Variants in BTBD9 observed in about 807,000 individuals in gnomAD.
BTBD9 encodes BTB domain containing 9, also known as BTB/POZ domain-containing protein 9.
A neutral mutation model predicts 64.3 loss-of-function variants in BTBD9; 49 were observed. The ratio of observed to expected loss-of-function variants is 0.76; its 90% CI spans 0.61 to 0.97. BTBD9 has a LOEUF of 0.97. Ranked by LOEUF, BTBD9 falls within the 50% of genes least tolerant of loss-of-function variation. The pLI is 0.00. For synonymous variants in BTBD9, 260 were observed against 274.7 expected (o/e 0.95, Z 0.53); for missense variants, 598 against 762.1 (o/e 0.78, Z 2.53).
chr6:38,459,376 T>A (rs1488755150), intron 6 of BTBD9, among the ~76,000 whole-genome samples: 2 of 152,196 alleles, frequency 1.3e-5, no homozygotes, highest in Non-Finnish European at 2.9e-5. Context: ...TCTCCCACAA[T>A]TCTCCAGCTA....
chr6:38,332,573 A>AC (rs904775410), intron 7 of BTBD9, among the ~76,000 whole-genome samples: 19 of 151,930 alleles, frequency 1.3e-4, no homozygotes, highest in Non-Finnish European at 2.4e-4. Context: ...CTGGGAATAG[A>AC]CCCCTCATTC....
At chr6:38,519,000 G>C (rs1159636424) in intron 6 of BTBD9, among the ~76,000 whole-genome samples, 1 of 152,180 alleles carries the variant, frequency 6.6e-6, no homozygotes. Flanking sequence ...GGACATCAGA[G>C]GCAGTTTTCT....
chr6:38,611,360 C>T (rs563066228), intron 1 of BTBD9, among the ~76,000 whole-genome samples: 3 of 152,164 alleles, frequency 2.0e-5, no homozygotes, highest in South Asian at 4.2e-4. Context: ...ATGGATTTCT[C>T]TTTTACATAA....
rs114438752 is a variant in BTBD9 at position 38,370,199 on chromosome 6, G to T, written c.1155-25106C>A. Among the ~76,000 whole-genome samples the T allele has an allele frequency of 3.2e-3, 491 of 152,270 alleles. 3 individuals are homozygous for T. The highest frequency in any genetic ancestry group is 0.011 in the African/African-American group (466 of 41,552). On this transcript the variant is annotated intron_variant, in intron 6 of 10. Transcript: ENST00000481247. ...GAAGTGATATCCAGTATGGAATCCCGATCACCTTCTTTTGTTTCATAGCCA... is the reference window on the plus strand; with the variant it reads ...GAAGTGATATCCAGTATGGAATCCCTATCACCTTCTTTTGTTTCATAGCCA...
intron 8 of BTBD9, among the ~76,000 whole-genome samples, chr6:38,256,933 G>A (rs1764598473): frequency 6.6e-6 from 1 of 152,156 alleles, no homozygotes; most frequent in Admixed American, 6.5e-5. Context: ...CCTGGCTGGA[G>A]TGCAGTGGTG....
intron 6 of BTBD9, among the ~76,000 whole-genome samples, chr6:38,390,995 C>T (rs1316052382): frequency 6.6e-6 from 1 of 152,198 alleles, no homozygotes; most frequent in Non-Finnish European, 1.5e-5. Context: ...TCTATCATTC[C>T]TGCTTTTATA....
chr6:38,456,009 A>G (rs370403229), intron 6 of BTBD9, among the ~76,000 whole-genome samples: 1 of 149,560 alleles, frequency 6.7e-6, no homozygotes, highest in East Asian at 2.0e-4. Flanking sequence ...TTTGAGACAG[A>G]GTCTTGCTCT....
At chr6:38,575,285 T>C (rs1288450886) in intron 6 of BTBD9, among the ~76,000 whole-genome samples, 1 of 152,136 alleles carries the variant, frequency 6.6e-6, no homozygotes, top group Non-Finnish European at 1.5e-5. Context: ...ATTTATAGAG[T>C]ACCTACTGCA....
chr6:38,222,879 C>T (rs1178658539), intron 9 of BTBD9, among the ~76,000 whole-genome samples: 1 of 152,066 alleles, frequency 6.6e-6, no homozygotes, highest in East Asian at 1.9e-4. Context: ...AGTTTCGAAC[C>T]TGAGTTTAGG....
At chr6:38,623,133 A>G (rs1461716357) in intron 1 of BTBD9, among the ~76,000 whole-genome samples, 1 of 152,086 alleles carries the variant, frequency 6.6e-6, no homozygotes, top group Non-Finnish European at 1.5e-5. Context: ...TTTAACATAC[A>G]CAACCAGTTC....
In BTBD9 at chr6:38,592,659, A is replaced by C; in HGVS notation, c.731T>G (p.Leu244Arg). ...ATCCAGGATGGCATCAGGAGACAGC[A>C]GTCCTGAAGGCCTCACAACATTCAG... ...ELLNVVRPSG[L>R]LSPDAILDAI... The change falls in exon 4 of 11, where the codon CTG (leucine) becomes CGG (arginine). Residue 244 changes from leucine to arginine, a missense_variant. Leu to Arg is a moderately radical substitution (Grantham distance 102). Coordinates refer to ENST00000481247, the MANE Select transcript of BTBD9 (RefSeq NM_001099272.2). 1.2e-6 allele frequency: 2 copies of C among 1,614,166 alleles called. No individual in the cohort carries two copies. Among genetic ancestry groups the C allele is most frequent in the Non-Finnish European group, 1.7e-6 (2 of 1,180,018 alleles).
intron 6 of BTBD9, among the ~76,000 whole-genome samples, chr6:38,468,188 A>T (rs1293895395): frequency 1.3e-5 from 2 of 152,170 alleles, no homozygotes; most frequent in Admixed American, 6.5e-5. Flanking sequence ...CCCCCAGCAC[A>T]TCCTTCTAAA....
intron 4 of BTBD9, among the ~76,000 whole-genome samples, chr6:38,589,645 C>A (rs1776704495): frequency 6.6e-6 from 1 of 152,172 alleles, no homozygotes; most frequent in Non-Finnish European, 1.5e-5. Context: ...ACCTTACAAT[C>A]CAATTCACAA....
At chr6:38,438,586 T>C (rs1768865056) in intron 6 of BTBD9, among the ~76,000 whole-genome samples, 1 of 152,202 alleles carries the variant, frequency 6.6e-6, no homozygotes, top group African/African-American at 2.4e-5. Flanking sequence ...TTCCGTCATT[T>C]AGGTCTCAAT....
At chr6:38,402,252 A>C (rs1441941609) in intron 6 of BTBD9, among the ~76,000 whole-genome samples, 2 of 152,334 alleles carry the variant, frequency 1.3e-5, no homozygotes, top group East Asian at 3.9e-4. Flanking sequence ...TAATATGTTA[A>C]GGTGACGATA....
chr6:38,412,586 C>T (rs1416687821), intron 6 of BTBD9, among the ~76,000 whole-genome samples: 2 of 150,938 alleles, frequency 1.3e-5, no homozygotes, highest in East Asian at 1.9e-4. Context: ...TGACCAGGTG[C>T]GGTGGCTCAC....
At position 38,334,799 on chromosome 6, in the gene BTBD9, ATAAAG is replaced by A. The variant is rs1763830463; in HGVS notation, c.1264+10180_1264+10184del. Among the ~76,000 whole-genome samples, 3 of 152,308 alleles carry A rather than the reference ATAAAG, an allele frequency of 2.0e-5. No individual in the cohort carries two copies. The South Asian group carries it at 6.2e-4, about 32-fold the overall frequency. ...GAGCCCAAAAATTCAATCCTGTAAA[ATAAAG>A]TAAATCCTATAAAACAAGAGCAGTA... On this transcript the variant is annotated intron_variant, in intron 7 of 10. Coordinates refer to ENST00000481247, the MANE Select transcript of BTBD9 (RefSeq NM_001099272.2).
At chr6:38,358,756 A>C (rs1188647591) in intron 6 of BTBD9, among the ~76,000 whole-genome samples, 1 of 150,146 alleles carries the variant, frequency 6.7e-6, no homozygotes, top group Non-Finnish European at 1.5e-5. Flanking sequence ...AAATGATTTC[A>C]ATGGATTGTG....
chr6:38,327,424 T>C (rs1763483947), intron 7 of BTBD9, among the ~76,000 whole-genome samples: 1 of 152,178 alleles, frequency 6.6e-6, no homozygotes, highest in African/African-American at 2.4e-5. Context: ...TACAGCAGTC[T>C]GCCCCCATAG....
Sources: gnomAD v4.1 joint callset for allele counts (sites outside exome capture counted in the v4.1 genomes callset) on GRCh38, gnomAD v4.1.1 for gene constraint, MANE v1.5 for transcripts, NCBI Gene and HGNC (gene_info 2026-07-23, HGNC 2026-07-21) for gene names.